Variants in NALF1 observed in about 807,000 individuals in gnomAD.
The protein encoded by NALF1 is NALCN channel auxiliary factor 1.
Under a neutral mutation model 48.4 loss-of-function variants are expected in NALF1, and 3 were observed. The observed-to-expected ratio is 0.06, with a 90% CI of 0.03 to 0.16. The LOEUF (loss-of-function observed/expected upper bound fraction) is 0.16, where lower values mean the gene tolerates loss of function less well. Among genes scored for constraint, NALF1 ranks in the 10% least tolerant of loss-of-function variants. The pLI is 1.00. For synonymous variants in NALF1, 262 were observed against 245.7 expected, an observed-to-expected ratio of 1.07 and a Z score of -0.62; for missense variants, 526 against 571.5, an observed-to-expected ratio of 0.92 and a Z score of 0.81.
rs192865463 is a variant in NALF1 at position 107,439,173 on chromosome 13, A to C, written c.916-228418T>G. Among the ~76,000 whole-genome samples the C allele has an allele frequency of 2.5e-4, 38 of 152,302 alleles. No individual in the cohort carries two copies. In the East Asian group the frequency reaches 5.6e-3, roughly 22 times the overall value. ...TCTCATTGTAATCGACTTATGTGTT[A>C]ATTTAGTATCCAGAGCCTAAAAACA... On this transcript the variant is annotated intron_variant, in intron 1 of 2. Coordinates refer to ENST00000375915, the MANE Select transcript of NALF1 (RefSeq NM_001080396.3).
intron 1 of NALF1, among the ~76,000 whole-genome samples, chr13:107,744,232 G>A (rs767964102): frequency 6.6e-5 from 10 of 152,190 alleles, no homozygotes; most frequent in Non-Finnish European, 1.0e-4. Flanking sequence ...TGAGACGCAA[G>A]AATTTTCATT....
At chr13:107,255,711 ATGT>A (rs1231134361) in intron 1 of NALF1, among the ~76,000 whole-genome samples, 2 of 152,198 alleles carry the variant, frequency 1.3e-5, no homozygotes, top group African/African-American at 2.4e-5. Context: ...ACAGCCTTTA[ATGT>A]TGTTATTATT....
intron 1 of NALF1, among the ~76,000 whole-genome samples, chr13:107,505,082 A>G (rs2809282): frequency 0.046 from 7,078 of 152,264 alleles, 545 homozygotes; most frequent in African/African-American, 0.16. Flanking sequence ...TTCCAGGGGC[A>G]GGGATTAGAG....
intron 1 of NALF1, among the ~76,000 whole-genome samples, chr13:107,616,894 G>A (rs565425756): frequency 4.7e-4 from 71 of 152,252 alleles, no homozygotes; most frequent in Admixed American, 4.2e-3. Flanking sequence ...TCTGTGGATT[G>A]AAATGCAGAA....
Position 107,276,104 on chromosome 13 carries a change from C to T in NALF1, c.916-65349G>A, listed in dbSNP as rs536892778. Among the ~76,000 whole-genome samples the T allele has an allele frequency of 5.9e-5, 9 of 152,204 alleles. No individual in the cohort carries two copies. In the South Asian group the frequency reaches 6.2e-4, roughly 11 times the overall value. ...CCTGTTACTCTCCTAAGCTCACCAG[C>T]GGCATCCCACCCCTTCTGCCATATT... On this transcript the variant is annotated intron_variant, in intron 1 of 2. Transcript: ENST00000375915.
intron 1 of NALF1, among the ~76,000 whole-genome samples, chr13:107,274,247 T>C (rs1451273907): frequency 6.6e-6 from 1 of 152,104 alleles, no homozygotes; most frequent in Non-Finnish European, 1.5e-5. Flanking sequence ...CACCAGCGAA[T>C]GACTGTGGTA....
intron 1 of NALF1, among the ~76,000 whole-genome samples, chr13:107,532,104 C>G: frequency 6.6e-6 from 1 of 152,056 alleles, no homozygotes; most frequent in Admixed American, 6.6e-5. Flanking sequence ...CTTTTGTATA[C>G]TAAATCCTTT....
intron 1 of NALF1, among the ~76,000 whole-genome samples, chr13:107,444,293 T>C (rs1025498971): frequency 4.3e-4 from 66 of 152,184 alleles, no homozygotes; most frequent in Admixed American, 2.5e-3. Context: ...TGTAGAGCAG[T>C]CTTTGACTTG....
At chr13:107,610,226 G>A (rs1024880990) in intron 1 of NALF1, among the ~76,000 whole-genome samples, 2 of 151,620 alleles carry the variant, frequency 1.3e-5, no homozygotes, top group African/African-American at 4.9e-5. Flanking sequence ...GAAGATGTAT[G>A]TATTACATAT....
chr13:107,395,068 A>G (rs1264981537), intron 1 of NALF1, among the ~76,000 whole-genome samples: 1 of 152,192 alleles, frequency 6.6e-6, no homozygotes, highest in African/African-American at 2.4e-5. Context: ...CCCTTGCTAA[A>G]GAAATTAAGG....
chr13:107,757,423 T>C lies in NALF1; in HGVS notation c.915+108259A>G, dbSNP rs550863526. On this transcript the variant is annotated intron_variant, in intron 1 of 2. Transcript: ENST00000375915. ...AACACTGGCCCTCATTTCTTTTTTT[T>C]TTTTTTTTTTTCAGTCAACAGGTAC... Among the ~76,000 whole-genome samples the C allele has an allele frequency of 2.7e-3, 408 of 149,992 alleles. 1 individual carries two copies. The highest frequency in any genetic ancestry group is 4.6e-3 in the Non-Finnish European group (312 of 67,348).
At chr13:107,845,666 G>A (rs1461920700) in intron 1 of NALF1, among the ~76,000 whole-genome samples, 1 of 151,956 alleles carries the variant, frequency 6.6e-6, no homozygotes, top group Non-Finnish European at 1.5e-5. Context: ...CTCAGATCTC[G>A]GGATCCTTTA....
intron 2 of NALF1, among the ~76,000 whole-genome samples, chr13:107,188,728 AGCTGTATGTG>A (rs1879226393): frequency 6.6e-6 from 1 of 152,166 alleles, no homozygotes; most frequent in Non-Finnish European, 1.5e-5. Context: ...CTCAATACCC[AGCTGTATGTG>A]GACAAGAAGC....
intron 1 of NALF1, among the ~76,000 whole-genome samples, chr13:107,246,512 C>A (rs1433585882): frequency 6.6e-6 from 1 of 152,122 alleles, no homozygotes; most frequent in East Asian, 1.9e-4. Context: ...TAAAAAAAGT[C>A]TTTTTCTGTT....
At chr13:107,248,860 T>A (rs143973532) in intron 1 of NALF1, among the ~76,000 whole-genome samples, 1 of 147,482 alleles carries the variant, frequency 6.8e-6, no homozygotes, top group Non-Finnish European at 1.5e-5. Context: ...AATTTCTAAG[T>A]GAATAATGAT....
intron 1 of NALF1, among the ~76,000 whole-genome samples, chr13:107,378,393 C>CATAT (rs34354646): frequency 3.0e-4 from 45 of 148,588 alleles, no homozygotes; most frequent in African/African-American, 9.3e-4. Context: ...TTTGGAGAGA[C>CATAT]ATATATATAT....
chr13:107,187,837 T>C (rs1879207871), intron 2 of NALF1, among the ~76,000 whole-genome samples: 2 of 152,210 alleles, frequency 1.3e-5, no homozygotes, highest in African/African-American at 4.8e-5. Context: ...CTCTGTCTTT[T>C]CTCTCATATA....
intron 1 of NALF1, among the ~76,000 whole-genome samples, chr13:107,293,570 T>G (rs1881670541): frequency 6.6e-6 from 1 of 152,188 alleles, no homozygotes; most frequent in Non-Finnish European, 1.5e-5. Flanking sequence ...ACAACTCCAC[T>G]TTATATGTCT....
rs1877827381 is a variant in NALF1, at chr13:107,566,915, G to A, written c.915+298767C>T. On this transcript the variant is annotated intron_variant, in intron 1 of 2. Transcript: ENST00000375915. Reference sequence around the variant, plus strand: ...ACACGGATATATTAGTACATTTTGAGTCAATGTATTCAAAAGACTGCTGTA... The same window carrying A: ...ACACGGATATATTAGTACATTTTGAATCAATGTATTCAAAAGACTGCTGTA... Among the ~76,000 whole-genome samples the A allele has an allele frequency of 9.2e-5, 14 of 152,294 alleles. No homozygotes were observed. The South Asian group carries it at 2.7e-3, about 29-fold the overall frequency.
Sources: gnomAD v4.1 joint callset for allele counts (sites outside exome capture counted in the v4.1 genomes callset) on GRCh38, gnomAD v4.1.1 for gene constraint, MANE v1.5 for transcripts, NCBI Gene and HGNC (gene_info 2026-07-23, HGNC 2026-07-21) for gene names.